Variants in CNBD2 observed in about 807,000 individuals in gnomAD.
CNBD2 encodes the protein cyclic nucleotide-binding domain-containing protein 2.
A neutral mutation model predicts 63.7 loss-of-function variants in CNBD2; 64 were observed. That is an observed-to-expected ratio of 1.00 (90% CI 0.82 to 1.24). The LOEUF is 1.24. Ranked by LOEUF, CNBD2 falls within the 50% of genes most tolerant of loss-of-function variation. The probability of loss-of-function intolerance (pLI) is 0.00; values close to 1 mark genes in which losing one functional copy is unlikely to be tolerated. For synonymous variants in CNBD2, 229 were observed against 255.4 expected, an observed-to-expected ratio of 0.90 and a Z score of 0.99; for missense variants, 691 against 713.5, an observed-to-expected ratio of 0.97 and a Z score of 0.36.
chr20:36,008,170 T>A, intron 8 of CNBD2, 127 bp from the exon 9 acceptor site: 1 of 734,488 alleles, frequency 1.4e-6, no homozygotes, highest in Non-Finnish European at 2.2e-6. Context: ...TTTCTTTTTT[T>A]TTTAAAAAAT....
rs765756855 is a variant in CNBD2, at chr20:35,995,079, C to T, written c.897C>T (p.Ser299=). 6 of 1,614,128 alleles carry T rather than the reference C, an allele frequency of 3.7e-6. No homozygotes were observed. The highest frequency in any genetic ancestry group is 2.2e-5 in the South Asian group (2 of 91,076). ...TGCGGCTGTTGGACCTTGGGGCCTC[C>T]CCTTCCTACCGTAGATGGATCTGGC... ...EVLRLLDLGA[S]PSYRRWIWQH... is the part of the protein sequence containing the mutation. The change falls in exon 8 of 12, where the codon TCC becomes TCT. Residue 299 remains serine (S), a synonymous_variant. Transcript: ENST00000373973.
chr20:36,017,648 C>G (rs530786545), intron 10 of CNBD2, among the ~76,000 whole-genome samples: 6 of 152,322 alleles, frequency 3.9e-5, no homozygotes, highest in South Asian at 4.1e-4. Context: ...ATGTGATGCC[C>G]TTAGGTATTT....
chr20:35,984,147 AG>A lies in CNBD2; in HGVS notation c.564+13del, dbSNP rs763372381. The stretch of plus-strand genomic sequence containing the variant: ...AGGGTAGCTGTTTTGGGGTAAGCCC[AG>A]GGGAAGGACCCAGTTTCCTGGGGTG... On this transcript the variant is annotated intron_variant, in intron 5 of 11. Transcript: ENST00000373973. The A allele has an allele frequency of 1.1e-5, 18 of 1,588,152 alleles. No homozygotes were observed. The highest frequency in any genetic ancestry group is 1.5e-5 in the Non-Finnish European group (18 of 1,166,862).
chr20:36,028,685 G>GTGTTTTTTTTTTT (rs2057309126), intron 11 of CNBD2, among the ~76,000 whole-genome samples: 1 of 140,116 alleles, frequency 7.1e-6, no homozygotes, highest in Admixed American at 6.8e-5. Flanking sequence ...TCACGGGCTG[G>GTGTTTTTTTTTTT]TTTTTTTTGG....
intron 3 of CNBD2, among the ~76,000 whole-genome samples, chr20:35,978,117 CTGAG>C (rs893294656): frequency 2.6e-5 from 4 of 152,160 alleles, no homozygotes; most frequent in African/African-American, 9.7e-5. Flanking sequence ...TAGAAAAACA[CTGAG>C]TGAAGAAAAG....
At position 35,987,406 on chromosome 20, in the gene CNBD2, T is replaced by C; in HGVS notation, c.728T>C (p.Leu243Pro). The C allele has an allele frequency of 6.2e-7, 1 of 1,614,196 alleles. No homozygotes were observed. The highest frequency in any genetic ancestry group is 1.1e-5 in the South Asian group (1 of 91,076). Residue 243 changes from leucine (L) to proline (P), a missense_variant, in exon 7 of 12, where the codon CTG becomes CCG. Physicochemically the swap from Leu to Pro is moderately conservative, Grantham distance 98 (BLOSUM62 -3). Transcript: ENST00000373973. ...YRFEFFRKMELFASWSDEKLW... is the reference protein window; with the variant it reads ...YRFEFFRKMEPFASWSDEKLW... ...GGCTCTTCCCACAGGAAGATGGAGC[T>C]GTTTGCATCATGGTCTGATGAGAAG...
At chr20:36,005,359 CT>C (rs2056970253) in intron 8 of CNBD2, among the ~76,000 whole-genome samples, 1 of 152,138 alleles carries the variant, frequency 6.6e-6, no homozygotes, top group Non-Finnish European at 1.5e-5. Flanking sequence ...TCCTATGAGA[CT>C]CTAATGCCGC....
At chr20:35,963,345 T>C (rs1013544103) in intron 2 of CNBD2, among the ~76,000 whole-genome samples, 2 of 140,776 alleles carry the variant, frequency 1.4e-5, no homozygotes, top group Non-Finnish European at 3.1e-5. Context: ...TGTCTCCAAA[T>C]TAAAAAAAAA....
chr20:35,975,210 C>T (rs1601021144), intron 2 of CNBD2, among the ~76,000 whole-genome samples: 1 of 135,468 alleles, frequency 7.4e-6, no homozygotes, highest in South Asian at 2.3e-4. Context: ...ACCTTGTTAG[C>T]CAGGATGGTC....
chr20:35,972,469 G>T (rs1355974165), intron 1 of CNBD2, among the ~76,000 whole-genome samples, 160 bp from the exon 2 acceptor site: 1 of 152,088 alleles, frequency 6.6e-6, no homozygotes, highest in African/African-American at 2.4e-5. Flanking sequence ...ATTTCAGCAG[G>T]CTTGCAAAAT....
intron 3 of CNBD2, among the ~76,000 whole-genome samples, chr20:35,977,760 A>G (rs2056541398): frequency 6.6e-6 from 1 of 152,178 alleles, no homozygotes; most frequent in Admixed American, 6.5e-5. Flanking sequence ...GGGTGATGAA[A>G]AGCTTCCAAA....
At chr20:35,954,613 G>T (rs1181782264), upstream of CNBD2, 2 of 1,356,654 alleles carry the variant, frequency 1.5e-6, no homozygotes, top group South Asian at 1.3e-5. Flanking sequence ...GTGCGGGAGG[G>T]CGAGCTGCGC....
intron 8 of CNBD2, among the ~76,000 whole-genome samples, chr20:36,005,250 C>T (rs909726953): frequency 5.3e-5 from 8 of 152,144 alleles, no homozygotes; most frequent in East Asian, 1.9e-4. Context: ...CAGGTGGTAA[C>T]GCTTTTGGAA....
chr20:36,022,195 C>CTTTTTTT (rs753206662), intron 10 of CNBD2, among the ~76,000 whole-genome samples: 15 of 56,304 alleles, frequency 2.7e-4, no homozygotes, highest in Admixed American at 4.0e-4. Context: ...TTTTTTTTTT[C>CTTTTTTT]TTTTTTTTTT....
At chr20:36,017,979 A>AT (rs1195457716) in intron 10 of CNBD2, among the ~76,000 whole-genome samples, 2 of 152,160 alleles carry the variant, frequency 1.3e-5, no homozygotes, top group African/African-American at 4.8e-5. Flanking sequence ...TAGTGGTCTT[A>AT]TTTTTTAGAA....
At chr20:35,977,881 T>C (rs2056542848) in intron 3 of CNBD2, among the ~76,000 whole-genome samples, 1 of 152,208 alleles carries the variant, frequency 6.6e-6, no homozygotes, top group Admixed American at 6.5e-5. Flanking sequence ...AAAAATGACA[T>C]ATAATATATA....
chr20:35,980,683 G>A (rs2056586612), intron 4 of CNBD2, 61 bp downstream of exon 4: 2 of 1,545,344 alleles, frequency 1.3e-6, no homozygotes, highest in Non-Finnish European at 1.8e-6. Context: ...AAAGAGCCTG[G>A]CTGAGAAGGT....
At chr20:36,000,866 C>G (rs1399660145) in intron 8 of CNBD2, among the ~76,000 whole-genome samples, 2 of 149,222 alleles carry the variant, frequency 1.3e-5, no homozygotes, top group Non-Finnish European at 2.9e-5. Flanking sequence ...ACAAAGGTCT[C>G]TGGTTTTCCT....
chr20:35,972,474 C>T (rs932957275), intron 1 of CNBD2, among the ~76,000 whole-genome samples, 155 bp from the exon 2 acceptor site: 4 of 152,144 alleles, frequency 2.6e-5, no homozygotes, highest in African/African-American at 7.2e-5. Context: ...AGCAGGCTTG[C>T]AAAATTCCTG....
Sources: allele counts gnomAD v4.1 joint callset (sites outside exome capture counted in the v4.1 genomes callset), GRCh38; gene constraint gnomAD v4.1.1; transcripts MANE v1.5; gene names NCBI Gene and HGNC (gene_info 2026-07-23, HGNC 2026-07-21).